The following MEI4 variants were observed in gnomAD, a reference collection of about 807,000 sequenced individuals.
MEI4 encodes the protein meiosis-specific protein MEI4.
Under a neutral mutation model 31.4 loss-of-function variants are expected in MEI4, and 27 were observed. The observed-to-expected ratio is 0.86, with a 90% CI of 0.63 to 1.19. The LOEUF (loss-of-function observed/expected upper bound fraction) is 1.19. Among genes scored for constraint, MEI4 ranks in the 50% most tolerant of loss-of-function variants. MEI4 has a pLI of 0.00. For missense variants in MEI4, 329 were observed against 398.9 expected (o/e 0.82, Z 1.49); for synonymous variants, 122 against 145.4 (o/e 0.84, Z 1.16).
At chr6:77,660,088 G>A (rs1024754578) in intron 1 of MEI4, among the ~76,000 whole-genome samples, 2 of 152,172 alleles carry the variant, frequency 1.3e-5, no homozygotes, top group African/African-American at 4.8e-5. Flanking sequence ...AAGGAAGTTC[G>A]GAGGTGTAGG....
At position 77,923,105 on chromosome 6, in the gene MEI4, A is replaced by G. The variant is rs572941202; in HGVS notation, c.917A>G (p.Asp306Gly). ...GAINQEQASY[D>G]VSRYENIFYL... ...TATTTGTAGGAGCAAGCCAGTTATGATGTGTCACGCTATGAAAACATTTTC... is the reference window on the plus strand; with the variant it reads ...TATTTGTAGGAGCAAGCCAGTTATGGTGTGTCACGCTATGAAAACATTTTC... The change falls in exon 5 of 5, where the codon GAT becomes GGT. Residue 306 changes from aspartate (D) to glycine (G), a missense_variant. Asp to Gly is a moderately conservative substitution (Grantham distance 94, BLOSUM62 -1). Transcript: ENST00000684080. 8.1e-7 allele frequency: 1 copy of G among 1,230,216 alleles called. No homozygotes were observed. Among genetic ancestry groups the G allele is most frequent in the East Asian group, 3.2e-5 (1 of 31,618 alleles). 76.2% of individuals were successfully genotyped at this position (1,230,216 alleles called of 1,614,324 possible).
intron 1 of MEI4, among the ~76,000 whole-genome samples, chr6:77,672,724 G>C (rs1419708150): frequency 6.6e-6 from 1 of 152,158 alleles, no homozygotes; most frequent in Admixed American, 6.6e-5. Flanking sequence ...ATTTTTAGTA[G>C]AGACAGGGTT....
At chr6:77,711,546 A>G (rs960988342) in intron 2 of MEI4, among the ~76,000 whole-genome samples, 21 of 152,166 alleles carry the variant, frequency 1.4e-4, no homozygotes, top group African/African-American at 5.1e-4. Flanking sequence ...ATTTGAGAGC[A>G]TGAATGACAA....
chr6:77,780,210 T>C (rs749395849), intron 3 of MEI4, among the ~76,000 whole-genome samples: 70 of 152,158 alleles, frequency 4.6e-4, no homozygotes, highest in Non-Finnish European at 7.5e-4. Flanking sequence ...GAAGGCGGCC[T>C]AATCCTCTTA....
At chr6:77,675,866 A>G (rs1768835317) in intron 1 of MEI4, among the ~76,000 whole-genome samples, 1 of 152,184 alleles carries the variant, frequency 6.6e-6, no homozygotes, top group Non-Finnish European at 1.5e-5. Context: ...CTTCGGATAC[A>G]ATTTCAGCCG....
chr6:77,795,729 T>C (rs906896426), intron 3 of MEI4, among the ~76,000 whole-genome samples: 3 of 147,878 alleles, frequency 2.0e-5, no homozygotes, highest in South Asian at 4.3e-4. Context: ...AAATAGAAAA[T>C]CTTAACATGG....
intron 3 of MEI4, among the ~76,000 whole-genome samples, chr6:77,786,736 A>T (rs1768745537): frequency 6.6e-6 from 1 of 152,190 alleles, no homozygotes; most frequent in Non-Finnish European, 1.5e-5. Context: ...CTCAAATTTA[A>T]AGCTTCTTTA....
chr6:77,754,123 G>C (rs1383930342), intron 2 of MEI4, among the ~76,000 whole-genome samples: 1 of 152,038 alleles, frequency 6.6e-6, no homozygotes, highest in African/African-American at 2.4e-5. Flanking sequence ...TTCTGGGGAG[G>C]GATGGCATTA....
At chr6:77,798,632 T>TCCCTCCC (rs1468510202) in intron 3 of MEI4, among the ~76,000 whole-genome samples, 2 of 119,640 alleles carry the variant, frequency 1.7e-5, no homozygotes, top group Admixed American at 9.4e-5. Context: ...CCTAAAGCTA[T>TCCCTCCC]CCCTCCCCCC....
intron 3 of MEI4, among the ~76,000 whole-genome samples, chr6:77,791,971 A>T (rs905337767): frequency 3.9e-5 from 6 of 152,306 alleles, no homozygotes; most frequent in Admixed American, 3.3e-4. Flanking sequence ...CTGCACTGAT[A>T]ACCACCATAG....
intron 4 of MEI4, among the ~76,000 whole-genome samples, chr6:77,833,778 C>G (rs1347655472): frequency 6.6e-6 from 1 of 152,122 alleles, no homozygotes; most frequent in Non-Finnish European, 1.5e-5. Flanking sequence ...AATGCTCTCC[C>G]CTACCTTTCC....
At chr6:77,699,189 CTTTTTTTTTT>C (rs70974682) in intron 2 of MEI4, among the ~76,000 whole-genome samples, 1 of 113,832 alleles carries the variant, frequency 8.8e-6, no homozygotes, top group East Asian at 2.5e-4. Context: ...TTCAAAGTTT[CTTTTTTTTTT>C]TTTTTTTTGA....
rs58959367 is a variant in MEI4, at chr6:77,910,925, G to GTTTTTTTT, written c.901-12154_901-12147dup. Reference sequence around the variant, plus strand: ...TTATCCACATTCTCACCAGCTTCTGGTTTTTTTTTTTTTTTTTGTCTTCTT... The same window carrying GTTTTTTTT: ...TTATCCACATTCTCACCAGCTTCTGGTTTTTTTTTTTTTTTTTTTTTTTTTGTCTTCTT... On this transcript the variant is annotated intron_variant, in intron 4 of 4. Coordinates refer to ENST00000684080, the MANE Select transcript of MEI4 (RefSeq NM_001322247.2). Among the ~76,000 whole-genome samples, 9 of 120,580 alleles carry GTTTTTTTT rather than the reference G, an allele frequency of 7.5e-5. 1 individual carries two copies. Among genetic ancestry groups the GTTTTTTTT allele is most frequent in the African/African-American group, 6.2e-5 (2 of 32,082 alleles). 79.1% of individuals were successfully genotyped at this position (120,580 alleles called of 152,430 possible). A position where few individuals can be genotyped will look rare whatever the true frequency, so the allele number is the denominator to read the frequency against.
intron 2 of MEI4, among the ~76,000 whole-genome samples, chr6:77,693,786 C>A (rs1769204368): frequency 6.6e-6 from 1 of 152,002 alleles, no homozygotes; most frequent in Admixed American, 6.6e-5. Context: ...TAGTGATAAT[C>A]CTTGCTCTAA....
intron 4 of MEI4, among the ~76,000 whole-genome samples, chr6:77,897,509 A>T (rs951851446): frequency 6.5e-5 from 3 of 46,430 alleles, no homozygotes; most frequent in East Asian, 2.0e-3. Context: ...ACAATTTTTT[A>T]AAATTGTTAT....
At chr6:77,894,629 A>C (rs1766042845) in intron 4 of MEI4, among the ~76,000 whole-genome samples, 1 of 152,184 alleles carries the variant, frequency 6.6e-6, no homozygotes, top group South Asian at 2.1e-4. Context: ...TAATGTAATA[A>C]TCTGAGGCTG....
intron 1 of MEI4, among the ~76,000 whole-genome samples, chr6:77,659,563 A>G (rs2127641747): frequency 6.6e-6 from 1 of 152,220 alleles, no homozygotes; most frequent in East Asian, 1.9e-4. Flanking sequence ...ATCTACGAGC[A>G]ACCTTTCACT....
chr6:77,653,254 T>G (rs1768331379), intron 1 of MEI4, among the ~76,000 whole-genome samples, 162 bp downstream of exon 1: 1 of 152,208 alleles, frequency 6.6e-6, no homozygotes, highest in African/African-American at 2.4e-5. Context: ...TTTAATTTTA[T>G]TCATGCTACA....
At chr6:77,863,048 G>A (rs893752009) in intron 4 of MEI4, among the ~76,000 whole-genome samples, 1 of 152,052 alleles carries the variant, frequency 6.6e-6, no homozygotes, top group Non-Finnish European at 1.5e-5. Context: ...CAAACAGAAA[G>A]GACATCCACA....
Sources: gnomAD v4.1 joint callset for allele counts (sites outside exome capture counted in the v4.1 genomes callset) on GRCh38, gnomAD v4.1.1 for gene constraint, MANE v1.5 for transcripts, NCBI Gene and HGNC (gene_info 2026-07-23, HGNC 2026-07-21) for gene names.